Variants in IL10RB observed in about 807,000 individuals in gnomAD.
IL10RB encodes interleukin-10 receptor subunit beta.
Under a neutral mutation model 38.7 loss-of-function variants are expected in IL10RB, and 30 were observed. The ratio of observed to expected loss-of-function variants is 0.78; its 90% CI spans 0.58 to 1.05. The LOEUF is 1.05. Among genes scored for constraint, IL10RB ranks in the 50% least tolerant of loss-of-function variants. The pLI is 0.00. For missense variants in IL10RB, 328 were observed against 397.1 expected, an observed-to-expected ratio of 0.83 and a Z score of 1.48; for synonymous variants, 142 against 145.9, an observed-to-expected ratio of 0.97 and a Z score of 0.19.
chr21:33,283,535 C>T (rs1442045061), intron 5 of IL10RB, among the ~76,000 whole-genome samples: 1 of 152,146 alleles, frequency 6.6e-6, no homozygotes, highest in East Asian at 1.9e-4. Context: ...CCCAGGCTCC[C>T]TAAAGCAAGG....
chr21:33,301,839 A>G (rs903906504), downstream of IL10RB, among the ~76,000 whole-genome samples: 2 of 152,244 alleles, frequency 1.3e-5, no homozygotes, highest in African/African-American at 4.8e-5. Context: ...GCAAGAAGTG[A>G]CAGAGCCAGG....
chr21:33,290,991 G>A (rs181800528), intron 6 of IL10RB, among the ~76,000 whole-genome samples: 4 of 152,304 alleles, frequency 2.6e-5, no homozygotes, highest in African/African-American at 9.6e-5. Flanking sequence ...GGGAGGATCT[G>A]TCCCAGGCCT....
Position 33,283,144 on chromosome 21 carries a change from A to G in IL10RB, c.549A>G (p.Pro183=), listed in dbSNP as rs749110716. 3.7e-6 allele frequency: 6 copies of G among 1,613,892 alleles called. No homozygotes were observed. Among genetic ancestry groups the G allele is most frequent in the Admixed American group, 3.3e-5 (2 of 60,028 alleles). Residue 183 remains proline (P), a synonymous_variant, in exon 5 of 7, where the codon CCA becomes CCG. Transcript: ENST00000290200. Reference sequence around the variant, plus strand: ...TTGAGGTCCTCAGAAACCTGGAGCCATGGACAACTTATTGTGTTCAAGTTC... The same window carrying G: ...TTGAGGTCCTCAGAAACCTGGAGCCGTGGACAACTTATTGTGTTCAAGTTC... ...YDFEVLRNLE[P]WTTYCVQVRG...
chr21:33,288,549 C>T lies in IL10RB; in HGVS notation c.804+288C>T, dbSNP rs192934080. On this transcript the variant is annotated intron_variant, in intron 6 of 6. Transcript: ENST00000290200. ...TCTCCAGCCTTCACTGCCCAAAGCC[C>T]CAGGTCCCTGAGGAGCAAAGGTGAT... 1.0e-3 allele frequency among the ~76,000 whole-genome samples: 159 copies of T among 152,184 alleles called. 1 individual carries two copies. Among genetic ancestry groups the T allele is most frequent in the African/African-American group, 3.6e-3 (151 of 41,510 alleles).
At position 33,296,305 on chromosome 21, in the gene IL10RB, C is replaced by T; in HGVS notation, c.926C>T (p.Pro309Leu). The T allele has an allele frequency of 2.5e-6, 4 of 1,614,136 alleles. No homozygotes were observed. The highest frequency in any genetic ancestry group is 3.4e-6 in the Non-Finnish European group (4 of 1,180,018). The change falls in exon 7 of 7, where the codon CCT becomes CTT. Residue 309 changes from proline (P) to leucine (L), a missense_variant. Pro to Leu is a moderately conservative substitution (Grantham distance 98). Transcript: ENST00000290200. ...AEDSESGKQN[P>L]GDSCSLGTPP... ...GACTCTGAGAGCGGCAAGCAGAATC[C>T]TGGTGACAGCTGCAGCCTCGGGACC...
chr21:33,271,934 T>G (rs1220412518), intron 2 of IL10RB, among the ~76,000 whole-genome samples: 1 of 151,842 alleles, frequency 6.6e-6, no homozygotes. Flanking sequence ...TCTACAATTT[T>G]TTTTTTTAAT....
chr21:33,305,966 G>A (rs751812285), intron 1 of IL10RB, among the ~76,000 whole-genome samples: 2 of 152,008 alleles, frequency 1.3e-5, no homozygotes, highest in South Asian at 4.2e-4. Context: ...CAAGTAGCTG[G>A]GATTACAGGC....
intron 1 of IL10RB, among the ~76,000 whole-genome samples, chr21:33,306,820 C>T (rs1048882245): frequency 5.3e-5 from 8 of 152,184 alleles, no homozygotes; most frequent in Middle Eastern, 3.2e-3. Flanking sequence ...TCACCACACC[C>T]AGCCCAACAA....
At position 33,276,681 on chromosome 21, in the gene IL10RB, T is replaced by G. The variant is rs201664974; in HGVS notation, c.259T>G (p.Leu87Val). 6.2e-7 allele frequency: 1 copy of G among 1,613,696 alleles called. No individual in the cohort carries two copies. Among genetic ancestry groups the G allele is most frequent in the Non-Finnish European group, 8.5e-7 (1 of 1,179,558 alleles). The change falls in exon 3 of 7, where the codon TTG (leucine) becomes GTG (valine). Residue 87 changes from leucine to valine, a missense_variant. Physicochemically the swap from Leu to Val is conservative, Grantham distance 32. Transcript: ENST00000290200. ...TCTTTCCAAGTATGGTGACCACACC[T>G]TGAGAGTCAGGGCTGAATTTGCAGA... ...SSLSKYGDHT[L>V]RVRAEFADEH...
At position 33,296,833 on chromosome 21, in the gene IL10RB, A is replaced by G; in HGVS notation, c.*476A>G. The stretch of plus-strand genomic sequence containing the variant: ...CATGATGGCGCATGCCTATAATCCC[A>G]GCTACTCGAGTGCCTGAGGCAGGAG... On this transcript the variant is annotated 3_prime_UTR_variant, in exon 7 of 7. Transcript: ENST00000290200. The G allele has an allele frequency of 3.2e-6, 1 of 315,936 alleles. No individual in the cohort carries two copies. The highest frequency in any genetic ancestry group is 2.7e-5 in the South Asian group (1 of 37,288). The allele number at this position is 315,936 out of a possible 1,614,324, so 19.6% of individuals were successfully genotyped here. A position where few individuals can be genotyped will look rare whatever the true frequency, so the allele number is the denominator to read the frequency against.
rs561771324 is a variant in IL10RB at position 33,276,526 on chromosome 21, A to G, written c.174-70A>G. On this transcript the variant is annotated intron_variant, in intron 2 of 6. Coordinates refer to ENST00000290200, the MANE Select transcript of IL10RB (RefSeq NM_000628.5). ...CCCGCGCCGCCCCCCCCTCCAAATTAAGTACCAGTCAGCCTCAGGGAGACT... is the reference window on the plus strand; with the variant it reads ...CCCGCGCCGCCCCCCCCTCCAAATTGAGTACCAGTCAGCCTCAGGGAGACT... The G allele has an allele frequency of 4.7e-6, 6 of 1,282,456 alleles. No homozygotes were observed. In the Admixed American group the frequency reaches 1.0e-4, roughly 22 times the overall value. 79.4% of individuals were successfully genotyped at this position (1,282,456 alleles called of 1,614,324 possible).
chr21:33,295,774 G>A (rs1240174294), intron 6 of IL10RB, among the ~76,000 whole-genome samples: 1 of 151,942 alleles, frequency 6.6e-6, no homozygotes, highest in Non-Finnish European at 1.5e-5. Flanking sequence ...GCCAGAGGCC[G>A]TGGCTCACGC....
intron 4 of IL10RB, among the ~76,000 whole-genome samples, chr21:33,282,588 T>G (rs953504837): frequency 5.3e-5 from 8 of 152,174 alleles, no homozygotes; most frequent in Non-Finnish European, 1.2e-4. Flanking sequence ...ATTTACTTTT[T>G]TCTTTATTTC....
intron 1 of IL10RB, among the ~76,000 whole-genome samples, chr21:33,267,473 T>A (rs1379668513): frequency 6.6e-6 from 1 of 151,098 alleles, no homozygotes; most frequent in African/African-American, 2.4e-5. Context: ...TTTCTTTCTT[T>A]CTTCTTCCGT....
At chr21:33,282,870 T>C (rs1733102531) in intron 4 of IL10RB, among the ~76,000 whole-genome samples, 1 of 152,120 alleles carries the variant, frequency 6.6e-6, no homozygotes. Flanking sequence ...TGTGTGTCAT[T>C]TAAGCTGGAG....
At chr21:33,309,677 TTCCTA>T (rs2083007320) in exon 2 of IL10RB, 1 of 152,244 alleles carries the variant, frequency 6.6e-6, no homozygotes, top group South Asian at 2.1e-4. Flanking sequence ...GCTTTACTCT[TTCCTA>T]AACATTGCTT....
chr21:33,268,178 C>T (rs1989008014), intron 1 of IL10RB: 2 of 1,436,958 alleles, frequency 1.4e-6, no homozygotes, highest in East Asian at 2.6e-5. Context: ...CTTTGTCTGT[C>T]CCCATTTTAC....
At chr21:33,304,951 A>T (rs1479094787) in intron 1 of IL10RB, among the ~76,000 whole-genome samples, 1 of 152,226 alleles carries the variant, frequency 6.6e-6, no homozygotes, top group Non-Finnish European at 1.5e-5. Flanking sequence ...GGACACAAAA[A>T]AAGCAAAACT....
At chr21:33,290,998 G>A (rs546631235) in intron 6 of IL10RB, among the ~76,000 whole-genome samples, 1 of 152,300 alleles carries the variant, frequency 6.6e-6, no homozygotes, top group East Asian at 1.9e-4. Flanking sequence ...TCTGTCCCAG[G>A]CCTCTACCCT....
Sources: gnomAD v4.1 joint callset for allele counts (sites outside exome capture counted in the v4.1 genomes callset) on GRCh38, gnomAD v4.1.1 for gene constraint, MANE v1.5 for transcripts, NCBI Gene and HGNC (gene_info 2026-07-23, HGNC 2026-07-21) for gene names.